The following PRKAR1B variants were observed in gnomAD, a reference collection of about 807,000 sequenced individuals.
PRKAR1B encodes the protein cAMP-dependent protein kinase type I-beta regulatory subunit.
Under a neutral mutation model 46.5 loss-of-function variants are expected in PRKAR1B, and 22 were observed. The ratio of observed to expected loss-of-function variants is 0.47; its 90% confidence interval spans 0.34 to 0.68. The LOEUF is 0.68. Among genes scored for constraint, PRKAR1B ranks in the 30% least tolerant of loss-of-function variants. PRKAR1B has a pLI of 0.01. For synonymous variants in PRKAR1B, 259 were observed against 217.7 expected, an observed-to-expected ratio of 1.19 and a Z score of -1.67; for missense variants, 445 against 535.6, an observed-to-expected ratio of 0.83 and a Z score of 1.67.
Position 666,257 on chromosome 7 carries a change from C to T in PRKAR1B, c.440+10972G>A, listed in dbSNP as rs536755513. On this transcript the variant is annotated intron_variant, in intron 4 of 10. Coordinates refer to ENST00000537384, the MANE Select transcript of PRKAR1B (RefSeq NM_001164760.2). This position sits in a 1 kb window ranked among gnomAD's most constrained non-coding sequence, Gnocchi z 4.9. ...CCAGGGACAGCCTTCATGGTCCTGGCACATCAGAGAGCTCCGGAACATGCG... is the reference window on the plus strand; with the variant it reads ...CCAGGGACAGCCTTCATGGTCCTGGTACATCAGAGAGCTCCGGAACATGCG... Among the ~76,000 whole-genome samples the T allele has an allele frequency of 1.4e-4, 18 of 129,402 alleles. No homozygotes were observed. Among genetic ancestry groups the T allele is most frequent in the Non-Finnish European group, 2.4e-4 (16 of 66,776 alleles). 84.9% of individuals were successfully genotyped at this position (129,402 alleles called of 152,430 possible).
At chr7:718,193 T>C (rs1780945452) in intron 1 of PRKAR1B, among the ~76,000 whole-genome samples, 1 of 151,442 alleles carries the variant, frequency 6.6e-6, no homozygotes, top group Non-Finnish European at 1.5e-5. Context: ...AGTAAAGCCA[T>C]GCCTGGACTC....
At chr7:670,888 G>T (rs1033589311) in intron 4 of PRKAR1B, among the ~76,000 whole-genome samples, 1 of 152,216 alleles carries the variant, frequency 6.6e-6, no homozygotes, top group East Asian at 1.9e-4. Flanking sequence ...GCGTCAGGCA[G>T]AGGGGCTCAG....
chr7:631,458 G>A (rs926136379), intron 4 of PRKAR1B, among the ~76,000 whole-genome samples: 3 of 152,206 alleles, frequency 2.0e-5, no homozygotes, highest in African/African-American at 4.8e-5. Flanking sequence ...GGCAGAAGCC[G>A]GTCACCTTGG....
chr7:558,532 G>C (rs1477100384), intron 9 of PRKAR1B, among the ~76,000 whole-genome samples: 1 of 152,042 alleles, frequency 6.6e-6, no homozygotes, highest in African/African-American at 2.4e-5. Flanking sequence ...GAGGTGGGCA[G>C]ATCACCTGAG....
chr7:653,667 C>T (rs1416711378), intron 4 of PRKAR1B, among the ~76,000 whole-genome samples: 4 of 152,168 alleles, frequency 2.6e-5, no homozygotes, highest in African/African-American at 4.8e-5. Flanking sequence ...TCAATCCCCT[C>T]CCAAACCACA....
In PRKAR1B at chr7:705,260, G is replaced by A. The variant is rs954871241; in HGVS notation, c.177+6069C>T. On this transcript the variant is annotated intron_variant, in intron 2 of 10. Transcript: ENST00000537384. ...AGAGGCTGCAGTAAACCGAGATCAC[G>A]CCATTGCCCTCCAGCCTGGGTGACA... 3.4e-5 allele frequency among the ~76,000 whole-genome samples: 5 copies of A among 146,932 alleles called. No homozygotes were observed. In the Admixed American group the frequency reaches 3.5e-4, roughly 10 times the overall value.
chr7:578,589 C>A lies in PRKAR1B; in HGVS notation c.891+667G>T, dbSNP rs551372564. Among the ~76,000 whole-genome samples the A allele has an allele frequency of 8.7e-4, 132 of 152,294 alleles. 1 individual carries two copies. The highest frequency in any genetic ancestry group is 1.9e-3 in the South Asian group (9 of 4,826). ...ACAGTGCCACGCCATGGCCGGGATG[C>A]GGACGCGGTGCCATCCCCCACCCCA... On this transcript the variant is annotated intron_variant, in intron 9 of 10. Coordinates refer to ENST00000537384, the MANE Select transcript of PRKAR1B (RefSeq NM_001164760.2).
chr7:643,803 C>A (rs1055406827), intron 4 of PRKAR1B, among the ~76,000 whole-genome samples: 2 of 152,062 alleles, frequency 1.3e-5, no homozygotes, highest in African/African-American at 4.8e-5. Flanking sequence ...TCAGCTGAGG[C>A]GGCCATGTTG....
chr7:637,839 A>C (rs1173204432), intron 4 of PRKAR1B, among the ~76,000 whole-genome samples: 1 of 152,112 alleles, frequency 6.6e-6, no homozygotes, highest in Non-Finnish European at 1.5e-5. Context: ...ATCTAAAAAA[A>C]TAAATAAATA....
chr7:572,167 G>A (rs1357232012), intron 9 of PRKAR1B, among the ~76,000 whole-genome samples: 1 of 152,194 alleles, frequency 6.6e-6, no homozygotes, highest in Non-Finnish European at 1.5e-5. Flanking sequence ...GGGGCTCAGG[G>A]CTCCCGCTGA....
intron 2 of PRKAR1B, among the ~76,000 whole-genome samples, chr7:699,358 G>A (rs1369035887): frequency 6.6e-6 from 1 of 152,258 alleles, no homozygotes; most frequent in East Asian, 1.9e-4. Context: ...TGCACTGGGA[G>A]GCACTGAGTC....
At chr7:663,357 T>C (rs1785719901) in intron 4 of PRKAR1B, among the ~76,000 whole-genome samples, 1 of 152,042 alleles carries the variant, frequency 6.6e-6, no homozygotes, top group South Asian at 2.1e-4. Flanking sequence ...GCTTCCTGAG[T>C]AGCTGCAACT....
intron 4 of PRKAR1B, among the ~76,000 whole-genome samples, chr7:645,435 G>A (rs1784574434): frequency 6.6e-6 from 1 of 152,178 alleles, no homozygotes; most frequent in Admixed American, 6.5e-5. Flanking sequence ...AGGATTGCTT[G>A]AGCCCAGGGG....
At chr7:567,483 T>TTCATCACCATCACCA (rs1412219098) in intron 9 of PRKAR1B, among the ~76,000 whole-genome samples, 2 of 102,664 alleles carry the variant, frequency 1.9e-5, no homozygotes, top group South Asian at 3.5e-4. Context: ...CACCATCACC[T>TTCATCACCATCACCA]TCATCACCAT....
chr7:582,013 C>G (rs1158673685), intron 8 of PRKAR1B, among the ~76,000 whole-genome samples: 1 of 152,254 alleles, frequency 6.6e-6, no homozygotes, highest in Admixed American at 6.5e-5. Flanking sequence ...ACCATCATGT[C>G]CAGCTAATTT....
intron 9 of PRKAR1B, among the ~76,000 whole-genome samples, chr7:563,234 G>A (rs1471286060): frequency 6.6e-6 from 1 of 152,158 alleles, no homozygotes; most frequent in Admixed American, 6.5e-5. Context: ...CCACCCTGAG[G>A]GTCCTCTGAG....
chr7:551,983 T>C (rs76186182), intron 9 of PRKAR1B, among the ~76,000 whole-genome samples: 44 of 62,604 alleles, frequency 7.0e-4, no homozygotes, highest in African/African-American at 1.3e-3. Flanking sequence ...GCCATCACCA[T>C]GTCACCACCC....
chr7:573,026 C>G (rs894655900), intron 9 of PRKAR1B, among the ~76,000 whole-genome samples: 62 of 152,300 alleles, frequency 4.1e-4, no homozygotes, highest in African/African-American at 1.5e-3. Context: ...GCCCCACCGG[C>G]CGGGCCCCGC....
intron 2 of PRKAR1B, among the ~76,000 whole-genome samples, chr7:695,154 G>C (rs944497115): frequency 6.6e-6 from 1 of 152,154 alleles, no homozygotes; most frequent in Non-Finnish European, 1.5e-5. Flanking sequence ...ATGACCAGAC[G>C]ACCGCTCAGC....
Sources: gnomAD v4.1 joint callset for allele counts (sites outside exome capture counted in the v4.1 genomes callset) on GRCh38, gnomAD v4.1.1 for gene constraint, Gnocchi (gnomAD v3.1) non-coding constraint, MANE v1.5 for transcripts, NCBI Gene and HGNC (gene_info 2026-07-23, HGNC 2026-07-21) for gene names.